The following PRKCE variants were observed in gnomAD, a reference collection of about 807,000 sequenced individuals.
The protein encoded by PRKCE is protein kinase C epsilon type.
PRKCE carries 16 observed loss-of-function variants against 85.4 expected under a neutral mutation model. That is an observed-to-expected ratio of 0.19 (90% CI 0.13 to 0.28). The LOEUF (loss-of-function observed/expected upper bound fraction) is 0.28, where lower values mean the gene tolerates loss of function less well. PRKCE is among the 10% of genes least tolerant of loss of function. The pLI is 1.00. For synonymous variants in PRKCE, 388 were observed against 371.5 expected, an observed-to-expected ratio of 1.04 and a Z score of -0.51; for missense variants, 573 against 975.2, an observed-to-expected ratio of 0.59 and a Z score of 5.49.
At chr2:46,147,577 C>T (rs1375751479) in intron 12 of PRKCE, among the ~76,000 whole-genome samples, 1 of 152,232 alleles carries the variant, frequency 6.6e-6, no homozygotes, top group Non-Finnish European at 1.5e-5. Context: ...GGCCTTCGTG[C>T]CCACCGTGCA....
chr2:46,079,680 T>A (rs376226606), intron 10 of PRKCE, among the ~76,000 whole-genome samples: 164 of 152,340 alleles, frequency 1.1e-3, no homozygotes, highest in African/African-American at 3.8e-3. Flanking sequence ...AGCTATAAAA[T>A]CTTTGCACGT....
At chr2:45,706,541 A>T (rs1048615008) in intron 1 of PRKCE, among the ~76,000 whole-genome samples, 3 of 152,164 alleles carry the variant, frequency 2.0e-5, no homozygotes, top group African/African-American at 7.2e-5. Flanking sequence ...CCCTTGCAGG[A>T]GTCAGATTGG....
rs538621181 is a variant in PRKCE, at chr2:45,741,127, G to A, written c.348+88679G>A. Among the ~76,000 whole-genome samples the A allele has an allele frequency of 1.0e-3, 155 of 152,250 alleles. 1 individual carries two copies. The highest frequency in any genetic ancestry group is 3.4e-3 in the African/African-American group (140 of 41,558). On this transcript the variant is annotated intron_variant, in intron 1 of 14. Coordinates refer to ENST00000306156, the MANE Select transcript of PRKCE (RefSeq NM_005400.3). ...ATTGATACATTTGAATGCTGGCTTC[G>A]GGGATCCCAAATGTGATTGCTTCTA...
intron 10 of PRKCE, among the ~76,000 whole-genome samples, chr2:46,015,275 T>A (rs188451975): frequency 1.4e-4 from 22 of 151,966 alleles, no homozygotes; most frequent in African/African-American, 3.1e-4. Context: ...ATTTTTAGAG[T>A]CTGTGCATTT....
chr2:46,170,888 A>G (rs751603795), intron 14 of PRKCE, among the ~76,000 whole-genome samples: 4 of 152,150 alleles, frequency 2.6e-5, no homozygotes, highest in African/African-American at 7.2e-5. Flanking sequence ...AGAGATTGGT[A>G]AGTGGAGGAA....
intron 10 of PRKCE, among the ~76,000 whole-genome samples, chr2:46,081,068 T>C (rs569996410): frequency 1.4e-4 from 21 of 152,196 alleles, no homozygotes; most frequent in African/African-American, 5.1e-4. Flanking sequence ...CACAACTCAC[T>C]GAAGCCTTCA....
intron 1 of PRKCE, among the ~76,000 whole-genome samples, chr2:45,683,993 C>T (rs1238459317): frequency 6.6e-6 from 1 of 152,210 alleles, no homozygotes; most frequent in Non-Finnish European, 1.5e-5. Flanking sequence ...TTTCAAACTG[C>T]CTTGCCACTG....
chr2:45,869,392 G>A (rs754156546), intron 2 of PRKCE, among the ~76,000 whole-genome samples: 1 of 152,222 alleles, frequency 6.6e-6, no homozygotes, highest in African/African-American at 2.4e-5. Context: ...TTGTGACACT[G>A]CTAGTAATCG....
intron 2 of PRKCE, among the ~76,000 whole-genome samples, chr2:45,924,353 G>T (rs1289869058): frequency 6.6e-6 from 1 of 152,200 alleles, no homozygotes; most frequent in Non-Finnish European, 1.5e-5. Flanking sequence ...TCTTTACTGG[G>T]TAGACCAGTT....
rs556475868 is a variant in PRKCE, at chr2:45,975,298, C to G, written c.413-1131C>G. 6.6e-5 allele frequency among the ~76,000 whole-genome samples: 10 copies of G among 152,256 alleles called. No homozygotes were observed. In the East Asian group the frequency reaches 1.9e-3, roughly 29 times the overall value. On this transcript the variant is annotated intron_variant, in intron 2 of 14. Coordinates refer to ENST00000306156, the MANE Select transcript of PRKCE (RefSeq NM_005400.3). ...ACGATAAACATTTATCATGGTCATC[C>G]TTGTCTTAATCAGCTCAGACTGCAA... is the stretch of plus-strand genomic sequence containing the variant.
intron 6 of PRKCE, among the ~76,000 whole-genome samples, chr2:45,990,256 C>G (rs573574089): frequency 6.6e-6 from 1 of 152,356 alleles, no homozygotes; most frequent in Non-Finnish European, 1.5e-5. Flanking sequence ...CATCAGTTCT[C>G]TGCCGTATGG....
chr2:45,909,826 G>A (rs572916855), intron 2 of PRKCE, among the ~76,000 whole-genome samples: 2 of 152,286 alleles, frequency 1.3e-5, no homozygotes, highest in East Asian at 3.9e-4. Flanking sequence ...GGTATTCCAA[G>A]CCACTGCCCA....
intron 10 of PRKCE, among the ~76,000 whole-genome samples, chr2:46,015,691 CAAAAAAAAAAA>C (rs749060776): frequency 2.5e-5 from 2 of 80,796 alleles, no homozygotes; most frequent in Non-Finnish European, 2.5e-5. Flanking sequence ...AACACTAAAC[CAAAAAAAAAAA>C]AAAAAAAAAA....
intron 10 of PRKCE, among the ~76,000 whole-genome samples, chr2:46,033,116 TGTA>T (rs1462217081): frequency 1.3e-5 from 2 of 152,188 alleles, no homozygotes; most frequent in East Asian, 3.8e-4. Context: ...GAAGTCAACA[TGTA>T]GTATTTACAA....
chr2:45,885,002 T>TATTTTTTTTTTTTTTTG (rs1553440407), intron 2 of PRKCE, among the ~76,000 whole-genome samples: 6 of 97,666 alleles, frequency 6.1e-5, no homozygotes, highest in Non-Finnish European at 1.3e-4. Context: ...TATATATATA[T>TATTTTTTTTTTTTTTTG]TTGTTGTTGT....
chr2:45,838,960 C>G (rs1263064352), intron 1 of PRKCE, among the ~76,000 whole-genome samples: 1 of 151,954 alleles, frequency 6.6e-6, no homozygotes, highest in Non-Finnish European at 1.5e-5. Context: ...TATGCCGGTG[C>G]CTTTGCTAAG....
intron 10 of PRKCE, among the ~76,000 whole-genome samples, chr2:46,076,208 T>C (rs1380437883): frequency 6.6e-6 from 1 of 152,246 alleles, no homozygotes; most frequent in African/African-American, 2.4e-5. Flanking sequence ...CTTTAGATGC[T>C]GCTATTGTTC....
At chr2:45,769,068 C>A (rs1266119895) in intron 1 of PRKCE, among the ~76,000 whole-genome samples, 2 of 152,152 alleles carry the variant, frequency 1.3e-5, no homozygotes, top group African/African-American at 2.4e-5. Context: ...TTGTTTGTTG[C>A]CATTTATTGG....
chr2:45,966,366 G>A (rs1335844602), intron 2 of PRKCE, among the ~76,000 whole-genome samples: 2 of 152,118 alleles, frequency 1.3e-5, no homozygotes, highest in Admixed American at 1.3e-4. Context: ...TACCTTGCAC[G>A]CATGCGGGAT....
Sources: allele counts gnomAD v4.1 joint callset (sites outside exome capture counted in the v4.1 genomes callset), GRCh38; gene constraint gnomAD v4.1.1; transcripts MANE v1.5; gene names NCBI Gene and HGNC (gene_info 2026-07-23, HGNC 2026-07-21).